Variants in GRIK2 observed in about 807,000 individuals in gnomAD.
The protein encoded by GRIK2 is glutamate ionotropic receptor kainate type subunit 2, also known as glutamate receptor ionotropic, kainate 2.
GRIK2 carries 32 observed loss-of-function variants against 100.3 expected under a neutral mutation model. The observed-to-expected ratio is 0.32, with a 90% confidence interval of 0.24 to 0.43. GRIK2 has a LOEUF of 0.43. Ranked by LOEUF, GRIK2 falls within the 20% of genes least tolerant of loss-of-function variation. The probability of loss-of-function intolerance (pLI) is 1.00; values close to 1 mark genes in which losing one functional copy is unlikely to be tolerated. For synonymous variants in GRIK2, 417 were observed against 389.4 expected, an observed-to-expected ratio of 1.07 and a Z score of -0.83; for missense variants, 843 against 1,114.9, an observed-to-expected ratio of 0.76 and a Z score of 3.47.
chr6:101,912,193 A>G (rs2518277), intron 12 of GRIK2, among the ~76,000 whole-genome samples: 13,090 of 150,690 alleles, frequency 0.087, 793 homozygotes, highest in Middle Eastern at 0.2. Flanking sequence ...TATATTTTTT[A>G]TTGGGTATAC....
Position 102,068,449 on chromosome 6 carries a change from G to C in GRIK2, c.2665G>C (p.Glu889Gln), listed in dbSNP as rs1471678412. 6.2e-7 allele frequency: 1 copy of C among 1,612,140 alleles called. No homozygotes were observed. The highest frequency in any genetic ancestry group is 2.2e-5 in the East Asian group (1 of 44,834). ...PQAPVIVKTE[E>Q]VINMHTFNDR... ...GGCCCCAGTTATTGTGAAAACAGAA[G>C]AAGTTATCAACATGCACACATTTAA... Residue 889 changes from glutamate to glutamine, a missense_variant, in exon 17 of 17, where the codon GAA (glutamate) becomes CAA (glutamine). Coordinates refer to ENST00000369134, the MANE Select transcript of GRIK2 (RefSeq NM_021956.5).
chr6:101,634,293 G>T (rs913035522), intron 4 of GRIK2, among the ~76,000 whole-genome samples: 4 of 152,032 alleles, frequency 2.6e-5, no homozygotes, highest in African/African-American at 9.7e-5. Context: ...ATGAAGACAG[G>T]AAATAAGAAT....
At chr6:101,950,611 C>T (rs1454767062) in intron 14 of GRIK2, among the ~76,000 whole-genome samples, 7 of 152,212 alleles carry the variant, frequency 4.6e-5, no homozygotes, top group Admixed American at 4.6e-4. Flanking sequence ...CTATTCCCAC[C>T]TGCCTCTGGA....
At chr6:102,067,458 A>G (rs1023591759) in intron 16 of GRIK2, among the ~76,000 whole-genome samples, 2 of 151,752 alleles carry the variant, frequency 1.3e-5, no homozygotes, top group African/African-American at 4.8e-5. Context: ...TAAAGCAGCT[A>G]ACGCACAAAT....
At chr6:101,449,095 G>T (rs1245509198) in intron 2 of GRIK2, among the ~76,000 whole-genome samples, 1 of 151,408 alleles carries the variant, frequency 6.6e-6, no homozygotes, top group Non-Finnish European at 1.5e-5. Flanking sequence ...ATTGACAAAA[G>T]ACATGAAGAG....
At chr6:101,515,706 T>C (rs1220561594) in intron 2 of GRIK2, among the ~76,000 whole-genome samples, 1 of 152,166 alleles carries the variant, frequency 6.6e-6, no homozygotes, top group Non-Finnish European at 1.5e-5. Context: ...TGGCCATTTG[T>C]ACATCTTCTT....
chr6:101,768,762 T>C (rs1778198366), intron 7 of GRIK2, among the ~76,000 whole-genome samples: 2 of 152,216 alleles, frequency 1.3e-5, no homozygotes, highest in African/African-American at 4.8e-5. Context: ...GTTTAGATTT[T>C]AGGTGTGCCC....
chr6:101,640,668 G>T (rs1781239887), intron 4 of GRIK2, among the ~76,000 whole-genome samples: 1 of 152,036 alleles, frequency 6.6e-6, no homozygotes, highest in South Asian at 2.1e-4. Context: ...AAAACATTAG[G>T]AAGGCTTGAT....
chr6:101,626,315 G>A (rs1780436428), intron 3 of GRIK2, 65 bp from the exon 4 acceptor site: 2 of 1,346,634 alleles, frequency 1.5e-6, no homozygotes, highest in Non-Finnish European at 1.0e-6. Context: ...AAATAATAAT[G>A]TGGTATCTGT....
intron 9 of GRIK2, among the ~76,000 whole-genome samples, chr6:101,813,541 C>CA (rs1265340796): frequency 1.3e-5 from 2 of 151,918 alleles, no homozygotes; most frequent in Non-Finnish European, 1.5e-5. Context: ...CAGTTAAGCA[C>CA]AAAAAAAGAT....
intron 4 of GRIK2, among the ~76,000 whole-genome samples, chr6:101,627,753 A>G (rs1018988841): frequency 1.3e-5 from 2 of 152,166 alleles, no homozygotes; most frequent in Non-Finnish European, 2.9e-5. Context: ...AATGATATTT[A>G]TTTCAGTGAG....
chr6:102,067,494 T>C (rs1317335302), intron 16 of GRIK2, among the ~76,000 whole-genome samples: 3 of 151,640 alleles, frequency 2.0e-5, no homozygotes, highest in African/African-American at 7.3e-5. Context: ...TCTCAATCAG[T>C]TGGGGAGAGA....
At chr6:101,937,041 C>G (rs1790661720) in intron 14 of GRIK2, among the ~76,000 whole-genome samples, 1 of 152,046 alleles carries the variant, frequency 6.6e-6, no homozygotes, top group African/African-American at 2.4e-5. Context: ...AAAGTAGCCT[C>G]TCTAAAATAT....
At chr6:101,559,169 T>G (rs1402395162) in intron 2 of GRIK2, among the ~76,000 whole-genome samples, 1 of 152,138 alleles carries the variant, frequency 6.6e-6, no homozygotes, top group Non-Finnish European at 1.5e-5. Flanking sequence ...AGTATTTTAA[T>G]GATTATTTCA....
intron 14 of GRIK2, among the ~76,000 whole-genome samples, chr6:102,000,751 C>T (rs1425154798): frequency 6.6e-6 from 1 of 152,036 alleles, no homozygotes; most frequent in East Asian, 1.9e-4. Flanking sequence ...CGCATTCCTG[C>T]TACTGGTAAT....
chr6:101,402,283 G>A (rs901427532), intron 2 of GRIK2, among the ~76,000 whole-genome samples: 15 of 152,132 alleles, frequency 9.9e-5, no homozygotes, highest in African/African-American at 3.6e-4. Context: ...CTCAAACATA[G>A]ACACGCGCTC....
intron 2 of GRIK2, among the ~76,000 whole-genome samples, chr6:101,495,126 G>A (rs1053666573): frequency 2.6e-5 from 4 of 151,316 alleles, no homozygotes; most frequent in Admixed American, 1.3e-4. Context: ...TCTATATTGT[G>A]TATGTATCTA....
chr6:101,397,308 A>G (rs1775049586), intron 1 of GRIK2, among the ~76,000 whole-genome samples: 1 of 152,222 alleles, frequency 6.6e-6, no homozygotes. Context: ...GAACAAACAG[A>G]ATGGAATAAA....
At position 101,423,374 on chromosome 6, in the gene GRIK2, G is replaced by A. The variant is rs543626169; in HGVS notation, c.115+23982G>A. ...TTTAAAATTTGGATAGACTTCCCTCGTGTTTTCCATAGCAACAGCACCATT... is the reference window on the plus strand; with the variant it reads ...TTTAAAATTTGGATAGACTTCCCTCATGTTTTCCATAGCAACAGCACCATT... On this transcript the variant is annotated intron_variant, in intron 2 of 16. Coordinates refer to ENST00000369134, the MANE Select transcript of GRIK2 (RefSeq NM_021956.5). Among the ~76,000 whole-genome samples, 13 of 152,222 alleles carry A rather than the reference G, an allele frequency of 8.5e-5. No homozygotes were observed. In the East Asian group the frequency reaches 1.5e-3, roughly 18 times the overall value.
Sources: gnomAD v4.1 joint callset for allele counts (sites outside exome capture counted in the v4.1 genomes callset) on GRCh38, gnomAD v4.1.1 for gene constraint, MANE v1.5 for transcripts, NCBI Gene and HGNC (gene_info 2026-07-23, HGNC 2026-07-21) for gene names.